The following BTG4 variants were observed in gnomAD, a reference collection of about 807,000 sequenced individuals.
BTG4 encodes the protein protein BTG4.
Under a neutral mutation model 19.3 loss-of-function variants are expected in BTG4, and 10 were observed. The observed-to-expected ratio is 0.52, with a 90% CI of 0.32 to 0.88. BTG4 has a LOEUF of 0.88. Ranked by LOEUF, BTG4 falls within the 40% of genes least tolerant of loss-of-function variation. The pLI, the probability that BTG4 is intolerant of heterozygous loss-of-function variation, is 0.04. For missense variants in BTG4, 238 were observed against 281.9 expected, an observed-to-expected ratio of 0.84 and a Z score of 1.11; for synonymous variants, 91 against 95.7, an observed-to-expected ratio of 0.95 and a Z score of 0.29.
At chr11:111,436,781 G>A in the BTG4 span, among the ~76,000 whole-genome samples, 106 of 152,196 alleles carry the variant, frequency 7.0e-4, no homozygotes, top group Middle Eastern at 3.4e-3. Context: ...TCACCTTCCC[G>A]CGCCTGCCCC....
chr11:111,428,206 A>C, the BTG4 span, among the ~76,000 whole-genome samples: 2 of 152,190 alleles, frequency 1.3e-5, no homozygotes, highest in Non-Finnish European at 2.9e-5. Flanking sequence ...GAATGGAAAT[A>C]CTGGTCTTCT....
intron 5 of BTG4, among the ~76,000 whole-genome samples, chr11:111,484,484 G>A (rs988327265): frequency 1.3e-5 from 2 of 152,092 alleles, no homozygotes; most frequent in Non-Finnish European, 2.9e-5. Flanking sequence ...AGTGAAAGCA[G>A]GGGGTAGGGA....
At chr11:111,402,590 T>C in the BTG4 span, among the ~76,000 whole-genome samples, 1 of 152,254 alleles carries the variant, frequency 6.6e-6, no homozygotes, top group Non-Finnish European at 1.5e-5. Context: ...GCTCAACAAA[T>C]ATTTGTTCGA....
chr11:111,407,848 G>C, the BTG4 span, among the ~76,000 whole-genome samples: 10 of 152,222 alleles, frequency 6.6e-5, no homozygotes, highest in African/African-American at 2.4e-4. Flanking sequence ...GAGCCCATTT[G>C]CACCCAGGTG....
the BTG4 span, chr11:111,460,230 T>C: frequency 1.3e-4 from 20 of 152,684 alleles, no homozygotes; most frequent in African/African-American, 4.1e-4. Context: ...CCAATCTCGA[T>C]TGGGGCTCAA....
chr11:111,390,934 G>C, the BTG4 span, among the ~76,000 whole-genome samples: 2 of 152,224 alleles, frequency 1.3e-5, no homozygotes, highest in African/African-American at 4.8e-5. Flanking sequence ...CTCCGATGGA[G>C]TTTGGATGGC....
chr11:111,509,861 GAT>G (rs1160768303), intron 1 of BTG4, among the ~76,000 whole-genome samples: 2 of 44,952 alleles, frequency 4.4e-5, no homozygotes, highest in Non-Finnish European at 1.0e-4. Context: ...TGAAGGGAGG[GAT>G]ATGTTGTCTC....
chr11:111,461,052 G>A, the BTG4 span, among the ~76,000 whole-genome samples: 2 of 152,254 alleles, frequency 1.3e-5, no homozygotes, highest in East Asian at 1.9e-4. Context: ...GCAGCTGTGC[G>A]GAGGATGGAT....
At chr11:111,439,649 C>A in the BTG4 span, among the ~76,000 whole-genome samples, 4 of 152,106 alleles carry the variant, frequency 2.6e-5, no homozygotes, top group Admixed American at 6.5e-5. Flanking sequence ...CAGACTCACA[C>A]CCCCTCTCAG....
the BTG4 span, among the ~76,000 whole-genome samples, chr11:111,411,910 G>A: frequency 6.6e-6 from 1 of 152,182 alleles, no homozygotes; most frequent in Non-Finnish European, 1.5e-5. Context: ...AATCATGAAG[G>A]TATGAGGCAG....
chr11:111,493,036 C>G, downstream of BTG4, among the ~76,000 whole-genome samples: 1 of 152,160 alleles, frequency 6.6e-6, no homozygotes. Flanking sequence ...GTCCCAGCTA[C>G]TCTGGAGGCT....
At chr11:111,480,731 A>G (rs1864690451) in intron 5 of BTG4, among the ~76,000 whole-genome samples, 1 of 151,940 alleles carries the variant, frequency 6.6e-6, no homozygotes, top group Admixed American at 6.6e-5. Flanking sequence ...TAGGGAAATA[A>G]AAGATACATT....
At chr11:111,395,472 C>T in the BTG4 span, among the ~76,000 whole-genome samples, 4 of 152,208 alleles carry the variant, frequency 2.6e-5, no homozygotes, top group African/African-American at 7.2e-5. Context: ...GGATCAGCAC[C>T]GTCACCCCTG....
the BTG4 span, among the ~76,000 whole-genome samples, chr11:111,392,457 A>G: frequency 6.6e-6 from 1 of 152,134 alleles, no homozygotes; most frequent in Non-Finnish European, 1.5e-5. Context: ...GATTACAGGC[A>G]TGAGCCACCG....
the BTG4 span, among the ~76,000 whole-genome samples, chr11:111,410,467 C>T: frequency 5.9e-5 from 9 of 152,298 alleles, 1 homozygote; most frequent in Admixed American, 5.2e-4. Context: ...TTCCACAACC[C>T]TATAAGGTTT....
chr11:111,497,086 T>G (rs750628004), intron 4 of BTG4, 125 bp downstream of exon 4: 3 of 949,738 alleles, frequency 3.2e-6, no homozygotes, highest in Non-Finnish European at 4.6e-6. Flanking sequence ...ATTAAGAGTC[T>G]GGCTTTTAAA....
chr11:111,435,450 G>A, the BTG4 span, among the ~76,000 whole-genome samples: 1 of 152,226 alleles, frequency 6.6e-6, no homozygotes, highest in Non-Finnish European at 1.5e-5. Context: ...GCTCCCCAGA[G>A]ATGACACTTG....
the BTG4 span, among the ~76,000 whole-genome samples, chr11:111,398,579 G>A: frequency 2.0e-5 from 3 of 151,816 alleles, no homozygotes; most frequent in Admixed American, 1.3e-4. Flanking sequence ...TCAGCCTCCC[G>A]AGTAGCTGGG....
At chr11:111,421,723 G>T in the BTG4 span, among the ~76,000 whole-genome samples, 1 of 152,128 alleles carries the variant, frequency 6.6e-6, no homozygotes, top group Non-Finnish European at 1.5e-5. Context: ...GACCAGCCTG[G>T]TCAAGAGGGT....
Sources: gnomAD v4.1 joint callset for allele counts (sites outside exome capture counted in the v4.1 genomes callset) on GRCh38, gnomAD v4.1.1 for gene constraint, MANE v1.5 for transcripts, NCBI Gene and HGNC (gene_info 2026-07-23, HGNC 2026-07-21) for gene names.